Variants in ZNF790 observed in about 807,000 individuals in gnomAD.
ZNF790 encodes zinc finger protein 790.
ZNF790 carries 8 observed loss-of-function variants against 12.1 expected under a neutral mutation model. The observed-to-expected ratio is 0.66, with a 90% confidence interval of 0.39 to 1.19. The LOEUF is 1.19. Among genes scored for constraint, ZNF790 ranks in the 50% most tolerant of loss-of-function variants. ZNF790 has a pLI of 0.01. For missense variants in ZNF790, 707 were observed against 752.2 expected, an observed-to-expected ratio of 0.94 and a Z score of 0.70; for synonymous variants, 252 against 244.3, an observed-to-expected ratio of 1.03 and a Z score of -0.29.
chr19:36,830,724 T>G (rs913615615), intron 1 of ZNF790, among the ~76,000 whole-genome samples: 3 of 152,174 alleles, frequency 2.0e-5, no homozygotes, highest in African/African-American at 7.2e-5. Flanking sequence ...CAAAAAAACC[T>G]TAAAAACTAC....
chr19:36,845,993 G>A (rs908076077), intron 1 of ZNF790, among the ~76,000 whole-genome samples: 9 of 151,990 alleles, frequency 5.9e-5, no homozygotes, highest in Non-Finnish European at 1.5e-5. Context: ...ATTTTTATCA[G>A]AGACGGCGTT....
At position 36,834,654 on chromosome 19, in the gene ZNF790, A is replaced by ATCTGCTTGAGGAGATTCACATAC. The variant is rs1381512545; in HGVS notation, c.-74+3660_-74+3682dup. Among the ~76,000 whole-genome samples, 10 of 152,342 alleles carry ATCTGCTTGAGGAGATTCACATAC rather than the reference A, an allele frequency of 6.6e-5. No individual in the cohort carries two copies. In the East Asian group the frequency reaches 1.9e-3, roughly 29 times the overall value. On this transcript the variant is annotated intron_variant, in intron 1 of 4. Transcript: ENST00000356725. The stretch of plus-strand genomic sequence containing the variant: ...TCAGCCATTTTGGAAAACTGACAGT[A>ATCTGCTTGAGGAGATTCACATAC]TCTGCTTGAGGAGATTCACATACTC...
upstream of ZNF790, among the ~76,000 whole-genome samples, chr19:36,841,365 A>T (rs1405321263): frequency 6.6e-6 from 1 of 152,168 alleles, no homozygotes; most frequent in Non-Finnish European, 1.5e-5. Flanking sequence ...CATGCCTGTA[A>T]TCCCAGCACT....
chr19:36,832,695 CCA>C (rs2071966402), intron 1 of ZNF790, among the ~76,000 whole-genome samples: 1 of 152,016 alleles, frequency 6.6e-6, no homozygotes. Context: ...AACTCCTGGT[CCA>C]CAGAAAATGG....
intron 2 of ZNF790, among the ~76,000 whole-genome samples, chr19:36,824,153 C>T (rs1048235171): frequency 1.3e-5 from 2 of 151,782 alleles, no homozygotes; most frequent in East Asian, 1.9e-4. Flanking sequence ...CCCGCTACCA[C>T]GCCCGGCAAA....
rs1026564441 is a variant in ZNF790 at position 36,836,487 on chromosome 19, G to A, written c.-74+1850C>T. ...ACACACACACACACCGGCTGGGCGCGGTGGCTCACGCCTGTAATCCCAGCA... is the reference window on the plus strand; with the variant it reads ...ACACACACACACACCGGCTGGGCGCAGTGGCTCACGCCTGTAATCCCAGCA... On this transcript the variant is annotated intron_variant, in intron 1 of 4. Coordinates refer to ENST00000356725, the MANE Select transcript of ZNF790 (RefSeq NM_206894.4). Among the ~76,000 whole-genome samples, 14 of 152,024 alleles carry A rather than the reference G, an allele frequency of 9.2e-5. No individual in the cohort carries two copies. In the South Asian group the frequency reaches 1.0e-3, roughly 11 times the overall value.
chr19:36,833,136 A>G (rs1172746796), intron 1 of ZNF790, among the ~76,000 whole-genome samples: 2 of 152,136 alleles, frequency 1.3e-5, no homozygotes, highest in Non-Finnish European at 2.9e-5. Context: ...AACATACAAT[A>G]TCTTTTGTTT....
intron 1 of ZNF790, among the ~76,000 whole-genome samples, chr19:36,843,726 C>T (rs1475874118): frequency 1.3e-5 from 2 of 151,948 alleles, no homozygotes; most frequent in Non-Finnish European, 2.9e-5. Flanking sequence ...ACAAACAGGT[C>T]GGCCAGGCAC....
At chr19:36,822,281 A>T (rs74376003) in intron 4 of ZNF790, among the ~76,000 whole-genome samples, 3,322 of 152,236 alleles carry the variant, frequency 0.022, 89 homozygotes, top group African/African-American at 0.057. Flanking sequence ...GGTTAAAAAA[A>T]TTTTTTTAAC....
chr19:36,847,121 C>T (rs775566690), intron 1 of ZNF790, among the ~76,000 whole-genome samples: 30 of 152,070 alleles, frequency 2.0e-4, no homozygotes, highest in Non-Finnish European at 3.8e-4. Context: ...TTTGAGAGGC[C>T]AAGGCAGGCA....
chr19:36,840,812 C>A (rs1298967826), upstream of ZNF790, among the ~76,000 whole-genome samples: 1 of 152,082 alleles, frequency 6.6e-6, no homozygotes, highest in African/African-American at 2.4e-5. Context: ...AATTACAAGA[C>A]ACATGAAAAG....
chr19:36,845,891 C>T (rs1477600044), intron 1 of ZNF790, among the ~76,000 whole-genome samples: 1 of 151,896 alleles, frequency 6.6e-6, no homozygotes, highest in Non-Finnish European at 1.5e-5. Flanking sequence ...TCACTGCAAC[C>T]TCTGCCTCCC....
chr19:36,821,101 T>C (rs1015784478), intron 4 of ZNF790, among the ~76,000 whole-genome samples: 6 of 141,862 alleles, frequency 4.2e-5, no homozygotes, highest in African/African-American at 1.6e-4. Flanking sequence ...TGAGAAATTT[T>C]TTCAAGGGAG....
chr19:36,839,209 T>C (rs1020286412), upstream of ZNF790, among the ~76,000 whole-genome samples: 1 of 152,234 alleles, frequency 6.6e-6, no homozygotes, highest in African/African-American at 2.4e-5. Flanking sequence ...CATCTAAACT[T>C]TCTGACAGAG....
In ZNF790 at chr19:36,820,003, C is replaced by T. The variant is rs1350520035; in HGVS notation, c.341G>A (p.Cys114Tyr). The T allele has an allele frequency of 1.9e-6, 3 of 1,613,964 alleles. No individual in the cohort carries two copies. The highest frequency in any genetic ancestry group is 2.5e-6 in the Non-Finnish European group (3 of 1,180,022). Reference protein sequence around the residue: ...MRICKNHSLDCLCFRGDWEGN... With the variant: ...MRICKNHSLDYLCFRGDWEGN... ...TTCCCAGTCACCTCTAAAACATAAACAGTCAAGGCTGTGGTTTTTACAAAT... is the reference window on the plus strand; with the variant it reads ...TTCCCAGTCACCTCTAAAACATAAATAGTCAAGGCTGTGGTTTTTACAAAT... The change falls in exon 5 of 5, where the codon TGT (cysteine) becomes TAT (tyrosine). Residue 114 changes from cysteine (C) to tyrosine (Y), a missense_variant. Transcript: ENST00000356725.
At chr19:36,838,868 G>A (rs1231774706), upstream of ZNF790, among the ~76,000 whole-genome samples, 1 of 152,172 alleles carries the variant, frequency 6.6e-6, no homozygotes, top group Non-Finnish European at 1.5e-5. The surrounding 1 kb of genome is among the most constrained non-coding windows in gnomAD (Gnocchi z 4.4). Context: ...CGAGTGGCGA[G>A]TCTGTCCCGT....
At chr19:36,832,325 C>T (rs960957840) in intron 1 of ZNF790, among the ~76,000 whole-genome samples, 2 of 152,190 alleles carry the variant, frequency 1.3e-5, no homozygotes, top group Admixed American at 6.5e-5. Context: ...GTGGTATTCA[C>T]AACACTGTGT....
chr19:36,839,183 A>G (rs934453395), upstream of ZNF790, among the ~76,000 whole-genome samples: 1 of 152,214 alleles, frequency 6.6e-6, no homozygotes, highest in Non-Finnish European at 1.5e-5. Flanking sequence ...TTTTAGATGT[A>G]CATCATTTCA....
intron 4 of ZNF790, among the ~76,000 whole-genome samples, chr19:36,822,185 A>G (rs549708181): frequency 5.4e-4 from 83 of 152,344 alleles, no homozygotes; most frequent in African/African-American, 1.8e-3. Flanking sequence ...AATAAGGAGA[A>G]CTAATAAATG....
Sources: allele counts gnomAD v4.1 joint callset (sites outside exome capture counted in the v4.1 genomes callset), GRCh38; gene constraint gnomAD v4.1.1; non-coding constraint Gnocchi (gnomAD v3.1); transcripts MANE v1.5; gene names NCBI Gene and HGNC (gene_info 2026-07-23, HGNC 2026-07-21).